The following KCNB2 variants were observed in gnomAD, a reference collection of about 807,000 sequenced individuals.
KCNB2 encodes the protein potassium voltage-gated channel subfamily B member 2, also known as delayed rectifier potassium channel protein.
KCNB2 carries 15 observed loss-of-function variants against 61.5 expected under a neutral mutation model. That is an observed-to-expected ratio of 0.24 (90% CI 0.16 to 0.38). KCNB2 has a LOEUF of 0.38. Among genes scored for constraint, KCNB2 ranks in the 10% least tolerant of loss-of-function variants. The pLI, the probability that KCNB2 is intolerant of heterozygous loss-of-function variation, is 1.00. For missense variants in KCNB2, 828 were observed against 1,125.2 expected (o/e 0.74, Z 3.78); for synonymous variants, 457 against 446.0 (o/e 1.02, Z -0.31).
chr8:72,831,516 C>T (rs4307386), intron 2 of KCNB2, among the ~76,000 whole-genome samples: 78,292 of 152,046 alleles, frequency 0.51, 20,750 homozygotes, highest in Non-Finnish European at 0.58. Flanking sequence ...CTGAAGATTA[C>T]ACTTTGTGGG....
At chr8:72,538,125 G>T (rs1435730426) in intron 1 of KCNB2, among the ~76,000 whole-genome samples, 1 of 152,104 alleles carries the variant, frequency 6.6e-6, no homozygotes, top group Admixed American at 6.5e-5. Context: ...GACTGGGAAG[G>T]GATGGGGATG....
At chr8:72,660,187 G>A (rs561319101) in intron 2 of KCNB2, among the ~76,000 whole-genome samples, 1 of 152,190 alleles carries the variant, frequency 6.6e-6, no homozygotes, top group Non-Finnish European at 1.5e-5. Context: ...TAGACCTTCA[G>A]AAGGATGCTT....
chr8:72,560,575 T>A (rs1053907139), intron 1 of KCNB2, among the ~76,000 whole-genome samples: 1 of 152,194 alleles, frequency 6.6e-6, no homozygotes, highest in Non-Finnish European at 1.5e-5. Flanking sequence ...CTGGGAAGAC[T>A]TGCAAAAGGA....
chr8:72,790,232 T>C (rs1462960248), intron 2 of KCNB2, among the ~76,000 whole-genome samples: 1 of 152,006 alleles, frequency 6.6e-6, no homozygotes, highest in Non-Finnish European at 1.5e-5. Context: ...CAAGTCAAGG[T>C]AGTAAATGAA....
chr8:72,894,878 G>A (rs1805964854), intron 2 of KCNB2, among the ~76,000 whole-genome samples: 2 of 152,164 alleles, frequency 1.3e-5, no homozygotes, highest in South Asian at 4.1e-4. Flanking sequence ...GGGATAGATA[G>A]ACCCCAGATG....
intron 2 of KCNB2, among the ~76,000 whole-genome samples, chr8:72,867,544 G>T (rs750763133): frequency 1.1e-4 from 16 of 152,178 alleles, no homozygotes; most frequent in Admixed American, 9.2e-4. Flanking sequence ...ATAAACAATG[G>T]CTCTTGTTTA....
chr8:72,794,652 G>A (rs1269290342), intron 2 of KCNB2, among the ~76,000 whole-genome samples: 1 of 151,968 alleles, frequency 6.6e-6, no homozygotes, highest in Admixed American at 6.6e-5. Flanking sequence ...TTAAAGGTAG[G>A]TGACTAAAAT....
rs144335972 is a variant in KCNB2 at position 72,802,711 on chromosome 8, C to T, written c.580-133224C>T. On this transcript the variant is annotated intron_variant, in intron 2 of 2. Coordinates refer to ENST00000523207, the MANE Select transcript of KCNB2 (RefSeq NM_004770.3). ...ATGAATTCATCATCTTAGGGAGCCA[C>T]CTTATTGCTGCCACTGTTGTTAAGG... 3.5e-3 allele frequency among the ~76,000 whole-genome samples: 527 copies of T among 152,266 alleles called. 2 individuals are homozygous for T. Among genetic ancestry groups the T allele is most frequent in the Middle Eastern group, 0.031 (9 of 294 alleles).
At chr8:72,887,977 C>CCTGTGTGTGTCTTGT (rs1167100528) in intron 2 of KCNB2, among the ~76,000 whole-genome samples, 2 of 152,224 alleles carry the variant, frequency 1.3e-5, no homozygotes, top group African/African-American at 4.8e-5. Flanking sequence ...CTGCCTTATA[C>CCTGTGTGTGTCTTGT]CACCTGTGTG....
intron 2 of KCNB2, among the ~76,000 whole-genome samples, chr8:72,597,698 A>C (rs1402169896): frequency 6.6e-6 from 1 of 152,184 alleles, no homozygotes; most frequent in Non-Finnish European, 1.5e-5. Context: ...AGCCATAATG[A>C]TGTAGTTAAG....
chr8:72,539,366 C>G (rs1298038418), intron 1 of KCNB2, among the ~76,000 whole-genome samples: 2 of 152,150 alleles, frequency 1.3e-5, no homozygotes, highest in African/African-American at 2.4e-5. Flanking sequence ...GAAAAGTATC[C>G]TTATCACCTA....
At chr8:72,688,024 A>T (rs896265729) in intron 2 of KCNB2, among the ~76,000 whole-genome samples, 1 of 152,188 alleles carries the variant, frequency 6.6e-6, no homozygotes, top group Non-Finnish European at 1.5e-5. Context: ...TTTACTGGAG[A>T]TAGAACCTCT....
intron 2 of KCNB2, among the ~76,000 whole-genome samples, chr8:72,710,878 A>G (rs975197575): frequency 1.3e-5 from 2 of 152,214 alleles, no homozygotes; most frequent in Non-Finnish European, 2.9e-5. Context: ...TCTCAAGGCT[A>G]TTTAAGTGGA....
intron 2 of KCNB2, among the ~76,000 whole-genome samples, chr8:72,624,380 A>T (rs192141201): frequency 6.6e-6 from 1 of 152,302 alleles, no homozygotes; most frequent in Non-Finnish European, 1.5e-5. Context: ...CTACCACAGG[A>T]TTTCAACCTT....
At chr8:72,541,686 A>G (rs1222711689) in intron 1 of KCNB2, among the ~76,000 whole-genome samples, 1 of 152,180 alleles carries the variant, frequency 6.6e-6, no homozygotes, top group Non-Finnish European at 1.5e-5. Flanking sequence ...AATTTGAAAT[A>G]AGAAGGTAGT....
Position 72,561,731 on chromosome 8 carries a change from A to G in KCNB2, c.-93-5911A>G, listed in dbSNP as rs866438902. Among the ~76,000 whole-genome samples, 176 of 21,232 alleles carry G rather than the reference A, an allele frequency of 8.3e-3. 3 individuals are homozygous for G. Among genetic ancestry groups the G allele is most frequent in the African/African-American group, 0.016 (88 of 5,542 alleles). 13.9% of individuals were successfully genotyped at this position (21,232 alleles called of 152,430 possible). ...TATATATATATATATATATATATCT[A>G]TATCTATATATATATGTATATATAT... On this transcript the variant is annotated intron_variant, in intron 1 of 2. Transcript: ENST00000523207.
chr8:72,673,598 G>C (rs1806601554), intron 2 of KCNB2, among the ~76,000 whole-genome samples: 1 of 152,150 alleles, frequency 6.6e-6, no homozygotes, highest in South Asian at 2.1e-4. Context: ...GACTACAATG[G>C]AATATTATTC....
chr8:72,612,329 G>A (rs1174716547), intron 2 of KCNB2, among the ~76,000 whole-genome samples: 8 of 152,150 alleles, frequency 5.3e-5, no homozygotes, highest in Non-Finnish European at 1.5e-5. Context: ...CCAAAGACTT[G>A]TTATACAGGT....
chr8:72,792,722 G>T (rs533519130), intron 2 of KCNB2, among the ~76,000 whole-genome samples: 1 of 152,140 alleles, frequency 6.6e-6, no homozygotes, highest in African/African-American at 2.4e-5. Flanking sequence ...AACCACTGAC[G>T]TCCACAATCT....
Sources: gnomAD v4.1 joint callset for allele counts (sites outside exome capture counted in the v4.1 genomes callset) on GRCh38, gnomAD v4.1.1 for gene constraint, MANE v1.5 for transcripts, NCBI Gene and HGNC (gene_info 2026-07-23, HGNC 2026-07-21) for gene names.